CNTNAP2: variants seen among roughly 807,000 people sequenced by gnomAD.
CNTNAP2 encodes contactin-associated protein-like 2.
CNTNAP2 carries 98 observed loss-of-function variants against 155.2 expected under a neutral mutation model. That is an observed-to-expected ratio of 0.63 (90% CI 0.54 to 0.75). CNTNAP2 has a LOEUF of 0.75. CNTNAP2 is among the 30% of genes least tolerant of loss of function. The pLI, the probability that CNTNAP2 is intolerant of heterozygous loss-of-function variation, is 0.00. For missense variants in CNTNAP2, 1,727 were observed against 1,688.1 expected, an observed-to-expected ratio of 1.02 and a Z score of -0.40; for synonymous variants, 651 against 631.2, an observed-to-expected ratio of 1.03 and a Z score of -0.47.
chr7:148,244,856 C>T (rs544848483), intron 20 of CNTNAP2, among the ~76,000 whole-genome samples: 1 of 149,652 alleles, frequency 6.7e-6, no homozygotes, highest in African/African-American at 2.4e-5. Flanking sequence ...AGCCACCATG[C>T]CAGGCTGTTG....
At chr7:146,469,583 C>T (rs547609966) in intron 1 of CNTNAP2, among the ~76,000 whole-genome samples, 135 of 144,268 alleles carry the variant, frequency 9.4e-4, no homozygotes, top group African/African-American at 3.0e-3. Flanking sequence ...AGTGCAGTGA[C>T]GCAATCTTGG....
chr7:146,517,976 T>G (rs1440206359), intron 1 of CNTNAP2, among the ~76,000 whole-genome samples: 1 of 151,964 alleles, frequency 6.6e-6, no homozygotes, highest in East Asian at 1.9e-4. Context: ...TTAAGATTCC[T>G]GCTTCCCAAA....
At chr7:146,975,145 A>G (rs1184606438) in intron 3 of CNTNAP2, among the ~76,000 whole-genome samples, 1 of 152,168 alleles carries the variant, frequency 6.6e-6, no homozygotes, top group East Asian at 1.9e-4. Flanking sequence ...AGGGAGCACA[A>G]GGAGAGAGAA....
chr7:147,322,545 T>C (rs1408157748), intron 9 of CNTNAP2, among the ~76,000 whole-genome samples: 2 of 151,680 alleles, frequency 1.3e-5, no homozygotes, highest in Non-Finnish European at 2.9e-5. Context: ...TCTTTTTTGG[T>C]TGTGTCTCTG....
At chr7:146,287,033 A>G (rs1261844266) in intron 1 of CNTNAP2, among the ~76,000 whole-genome samples, 1 of 152,206 alleles carries the variant, frequency 6.6e-6, no homozygotes, top group African/African-American at 2.4e-5. Flanking sequence ...CAATAAGAAG[A>G]GCAAGTATTG....
At chr7:146,558,128 C>A (rs1412897056) in intron 1 of CNTNAP2, among the ~76,000 whole-genome samples, 2 of 152,100 alleles carry the variant, frequency 1.3e-5, no homozygotes, top group African/African-American at 4.8e-5. Context: ...GGAATCAGGC[C>A]AAAGCATCTT....
At chr7:146,670,636 A>AG (rs1800286689) in intron 1 of CNTNAP2, among the ~76,000 whole-genome samples, 3 of 152,302 alleles carry the variant, frequency 2.0e-5, no homozygotes, top group South Asian at 4.1e-4. Flanking sequence ...GAATGAGTAT[A>AG]TTCTCACGTC....
At chr7:147,667,795 CA>C (rs549630597) in intron 13 of CNTNAP2, among the ~76,000 whole-genome samples, 171 of 129,396 alleles carry the variant, frequency 1.3e-3, no homozygotes, top group African/African-American at 1.1e-3. Context: ...GCTGCTGCTG[CA>C]AAAAAAAAAA....
chr7:148,180,763 A>G (rs945489413), intron 18 of CNTNAP2, among the ~76,000 whole-genome samples: 1 of 152,224 alleles, frequency 6.6e-6, no homozygotes, highest in Non-Finnish European at 1.5e-5. Context: ...CAACTGGGTT[A>G]TTCAGAAGCC....
chr7:146,521,139 A>G (rs1797611112), intron 1 of CNTNAP2, among the ~76,000 whole-genome samples: 2 of 151,912 alleles, frequency 1.3e-5, no homozygotes, highest in East Asian at 1.9e-4. Context: ...ATGGTCTGTA[A>G]CAGAGGTTGC....
chr7:146,759,389 A>G (rs1204685519), intron 1 of CNTNAP2, among the ~76,000 whole-genome samples: 1 of 152,078 alleles, frequency 6.6e-6, no homozygotes, highest in Admixed American at 6.6e-5. Context: ...GGATGAACAG[A>G]TTATATTTTT....
intron 12 of CNTNAP2, among the ~76,000 whole-genome samples, chr7:147,582,783 A>G (rs1261844955): frequency 6.6e-6 from 1 of 152,158 alleles, no homozygotes; most frequent in Non-Finnish European, 1.5e-5. Context: ...TGAACTAACC[A>G]TATCCTACCC....
chr7:147,774,326 C>A (rs541557746), intron 13 of CNTNAP2, among the ~76,000 whole-genome samples: 1 of 151,998 alleles, frequency 6.6e-6, no homozygotes, highest in Non-Finnish European at 1.5e-5. Flanking sequence ...CAATAATGAG[C>A]AAATAAGAAA....
intron 1 of CNTNAP2, among the ~76,000 whole-genome samples, chr7:146,211,140 A>G (rs981657357): frequency 6.6e-6 from 1 of 152,210 alleles, no homozygotes; most frequent in African/African-American, 2.4e-5. Flanking sequence ...GATGCAAAAT[A>G]AAAATGCATT....
chr7:146,991,117 A>C (rs1206790646), intron 3 of CNTNAP2, among the ~76,000 whole-genome samples: 2 of 152,164 alleles, frequency 1.3e-5, no homozygotes, highest in Non-Finnish European at 2.9e-5. Flanking sequence ...TCAAGAAAGA[A>C]CTAAATGCAT....
rs1798387388 is a variant in CNTNAP2, at chr7:146,171,354, G to T, written c.97+54381G>T. On this transcript the variant is annotated intron_variant, in intron 1 of 23. Coordinates refer to ENST00000361727, the MANE Select transcript of CNTNAP2 (RefSeq NM_014141.6). ...TGTATTTCTTTGAGCCTATTTCTTTGATATTCGTTATTTAGAGGTGCTGAA... is the reference window on the plus strand; with the variant it reads ...TGTATTTCTTTGAGCCTATTTCTTTTATATTCGTTATTTAGAGGTGCTGAA... Among the ~76,000 whole-genome samples the T allele has an allele frequency of 2.6e-5, 4 of 152,038 alleles. No homozygotes were observed. The South Asian group carries it at 8.3e-4, about 32-fold the overall frequency.
intron 8 of CNTNAP2, among the ~76,000 whole-genome samples, chr7:147,249,074 A>T (rs1804128944): frequency 1.3e-5 from 2 of 152,186 alleles, no homozygotes; most frequent in Admixed American, 6.5e-5. Flanking sequence ...TACCCAACCT[A>T]ATTAGTTGAA....
At chr7:147,853,874 G>A (rs1180379515) in intron 13 of CNTNAP2, among the ~76,000 whole-genome samples, 1 of 152,194 alleles carries the variant, frequency 6.6e-6, no homozygotes, top group Non-Finnish European at 1.5e-5. Flanking sequence ...GCTGCAAAGT[G>A]AATGAGTGTT....
At chr7:147,777,479 T>C (rs1475405053) in intron 13 of CNTNAP2, among the ~76,000 whole-genome samples, 2 of 152,134 alleles carry the variant, frequency 1.3e-5, no homozygotes, top group Non-Finnish European at 2.9e-5. Context: ...AAGAGAGCAA[T>C]CCTGGGAGCC....
Sources: allele counts gnomAD v4.1 joint callset (sites outside exome capture counted in the v4.1 genomes callset), GRCh38; gene constraint gnomAD v4.1.1; transcripts MANE v1.5; gene names NCBI Gene and HGNC (gene_info 2026-07-23, HGNC 2026-07-21).